The following ITGBL1 variants were observed in gnomAD, a reference collection of about 807,000 sequenced individuals.
The protein encoded by ITGBL1 is integrin subunit beta like 1, also known as integrin beta-like protein 1.
Under a neutral mutation model 68.5 loss-of-function variants are expected in ITGBL1, and 51 were observed. The observed-to-expected ratio is 0.74, with a 90% CI of 0.59 to 0.94. The LOEUF is 0.94. Among genes scored for constraint, ITGBL1 ranks in the 40% least tolerant of loss-of-function variants. The pLI, the probability that ITGBL1 is intolerant of heterozygous loss-of-function variation, is 0.00. For missense variants in ITGBL1, 649 were observed against 647.4 expected (o/e 1.00, Z -0.03); for synonymous variants, 209 against 227.3 (o/e 0.92, Z 0.72).
chr13:101,662,052 A>G (rs1175536720), intron 7 of ITGBL1, among the ~76,000 whole-genome samples: 1 of 152,198 alleles, frequency 6.6e-6, no homozygotes, highest in African/African-American at 2.4e-5. Context: ...CATTGTTTAA[A>G]GCATCGAACT....
chr13:101,594,937 G>A (rs2029880423), intron 6 of ITGBL1, among the ~76,000 whole-genome samples: 1 of 152,176 alleles, frequency 6.6e-6, no homozygotes, highest in Admixed American at 6.5e-5. Context: ...AGCCGGGCGT[G>A]TTGACGCACA....
At chr13:101,499,591 C>A (rs1432691111) in intron 2 of ITGBL1, among the ~76,000 whole-genome samples, 1 of 152,198 alleles carries the variant, frequency 6.6e-6, no homozygotes, top group Admixed American at 6.5e-5. Flanking sequence ...GCAAAGAGAA[C>A]AAGAGAAGTG....
At chr13:101,454,245 T>A in intron 2 of ITGBL1, 145 bp downstream of exon 2, 1 of 468,376 alleles carries the variant, frequency 2.1e-6, no homozygotes, top group Non-Finnish European at 3.5e-6. Context: ...ACACTTTGGC[T>A]AGTTAATTCT....
intron 7 of ITGBL1, among the ~76,000 whole-genome samples, chr13:101,661,238 T>G (rs904936679): frequency 2.0e-5 from 3 of 152,230 alleles, no homozygotes; most frequent in African/African-American, 7.2e-5. Flanking sequence ...TGCTTCCTTG[T>G]GTGTGTATTT....
chr13:101,517,922 A>C (rs982649619), intron 2 of ITGBL1, among the ~76,000 whole-genome samples: 2 of 152,152 alleles, frequency 1.3e-5, no homozygotes, highest in African/African-American at 4.8e-5. Flanking sequence ...GTGGTGGCTC[A>C]AGTCCCCACA....
intron 7 of ITGBL1, among the ~76,000 whole-genome samples, chr13:101,643,263 T>C (rs1419021527): frequency 1.3e-5 from 2 of 149,884 alleles, no homozygotes; most frequent in Non-Finnish European, 3.0e-5. Flanking sequence ...GTAGTTCTCC[T>C]TGAAGAGGTC....
chr13:101,534,221 G>T (rs535169204), intron 2 of ITGBL1, among the ~76,000 whole-genome samples: 1 of 152,274 alleles, frequency 6.6e-6, no homozygotes, highest in East Asian at 1.9e-4. Context: ...ACCATTAATG[G>T]GTGGGGAGGA....
intron 7 of ITGBL1, among the ~76,000 whole-genome samples, chr13:101,652,003 G>T (rs9585749): frequency 6.6e-6 from 1 of 152,022 alleles, no homozygotes; most frequent in African/African-American, 2.4e-5. Flanking sequence ...TTATTTCTGA[G>T]TTCTCTATTC....
At chr13:101,715,247 A>G (rs906075392) in intron 10 of ITGBL1, 2 of 239,910 alleles carry the variant, frequency 8.3e-6, no homozygotes, top group African/African-American at 4.5e-5. Flanking sequence ...GTTTTTCTGT[A>G]TTTATTCATA....
chr13:101,567,456 G>A (rs2050199284), intron 2 of ITGBL1, among the ~76,000 whole-genome samples: 1 of 152,004 alleles, frequency 6.6e-6, no homozygotes, highest in Non-Finnish European at 1.5e-5. Context: ...GCTTTTTAAT[G>A]TATTATCCTA....
chr13:101,688,791 A>C (rs2033813655), intron 7 of ITGBL1, among the ~76,000 whole-genome samples: 1 of 152,196 alleles, frequency 6.6e-6, no homozygotes, highest in African/African-American at 2.4e-5. Flanking sequence ...TCTGGGAGAG[A>C]TATACCATTT....
intron 2 of ITGBL1, among the ~76,000 whole-genome samples, chr13:101,551,896 A>C (rs952937306): frequency 2.0e-4 from 30 of 152,254 alleles, no homozygotes; most frequent in Admixed American, 5.9e-4. Context: ...ATCATGACAG[A>C]TTTTCAGAAT....
chr13:101,474,329 C>T (rs1248669603), intron 2 of ITGBL1, among the ~76,000 whole-genome samples: 1 of 152,108 alleles, frequency 6.6e-6, no homozygotes, highest in Non-Finnish European at 1.5e-5. Flanking sequence ...GACACTCTTT[C>T]TGACTGAGGA....
chr13:101,694,876 T>A (rs1211169065), intron 8 of ITGBL1, among the ~76,000 whole-genome samples: 2 of 152,190 alleles, frequency 1.3e-5, no homozygotes, highest in East Asian at 3.9e-4. Context: ...AATAAAAGAT[T>A]TTCATATGGG....
chr13:101,668,633 T>C (rs1594967630), intron 7 of ITGBL1, among the ~76,000 whole-genome samples: 1 of 152,240 alleles, frequency 6.6e-6, no homozygotes, highest in East Asian at 1.9e-4. Context: ...GTCTAATATC[T>C]CAGTTTTCAT....
intron 7 of ITGBL1, among the ~76,000 whole-genome samples, chr13:101,663,732 C>T (rs1354686047): frequency 2.6e-5 from 4 of 152,028 alleles, no homozygotes; most frequent in Non-Finnish European, 5.9e-5. Flanking sequence ...TTAATTGTCT[C>T]CAGGAAGGAA....
chr13:101,474,667 T>C (rs778717587), intron 2 of ITGBL1, among the ~76,000 whole-genome samples: 29 of 152,108 alleles, frequency 1.9e-4, no homozygotes, highest in Non-Finnish European at 3.4e-4. Context: ...GTCCCAGTAG[T>C]AGTTGCAACA....
chr13:101,674,615 T>TGTCA (rs1277820351), intron 7 of ITGBL1, among the ~76,000 whole-genome samples: 2 of 152,076 alleles, frequency 1.3e-5, no homozygotes, highest in Non-Finnish European at 2.9e-5. Context: ...TTTTTTTTTC[T>TGTCA]GTCAAAGGTA....
intron 8 of ITGBL1, among the ~76,000 whole-genome samples, chr13:101,700,682 C>T (rs1156967478): frequency 6.6e-6 from 1 of 152,114 alleles, no homozygotes; most frequent in Non-Finnish European, 1.5e-5. Context: ...GAATATTTCT[C>T]CACCTTCATT....
Sources: allele counts gnomAD v4.1 joint callset (sites outside exome capture counted in the v4.1 genomes callset), GRCh38; gene constraint gnomAD v4.1.1; transcripts MANE v1.5; gene names NCBI Gene and HGNC (gene_info 2026-07-23, HGNC 2026-07-21).